The following ZHX2 variants were observed in gnomAD, a reference collection of about 807,000 sequenced individuals.
ZHX2 encodes zinc fingers and homeoboxes 2, also known as zinc fingers and homeoboxes protein 2.
ZHX2 carries 6 observed loss-of-function variants against 21.9 expected under a neutral mutation model. The observed-to-expected ratio is 0.27, with a 90% CI of 0.15 to 0.54. The LOEUF (loss-of-function observed/expected upper bound fraction) is 0.54. Ranked by LOEUF, ZHX2 falls within the 20% of genes least tolerant of loss-of-function variation. The pLI, the probability that ZHX2 is intolerant of heterozygous loss-of-function variation, is 0.95. For missense variants in ZHX2, 908 were observed against 1,090.7 expected (o/e 0.83, Z 2.36); for synonymous variants, 434 against 437.1 (o/e 0.99, Z 0.09).
intron 1 of ZHX2, among the ~76,000 whole-genome samples, chr8:122,819,106 A>C (rs2130630961): frequency 6.6e-6 from 1 of 152,342 alleles, no homozygotes; most frequent in Admixed American, 6.5e-5. Flanking sequence ...GGCCTTCTTG[A>C]AGGCCAGATG....
intron 2 of ZHX2, among the ~76,000 whole-genome samples, chr8:122,884,036 C>T (rs945317065): frequency 2.0e-5 from 3 of 152,220 alleles, no homozygotes; most frequent in African/African-American, 4.8e-5. Context: ...TAGCCAACTA[C>T]ACACCTAGGC....
At chr8:122,851,805 G>A (rs535820320) in intron 1 of ZHX2, among the ~76,000 whole-genome samples, 3 of 152,318 alleles carry the variant, frequency 2.0e-5, no homozygotes, top group East Asian at 3.9e-4. Flanking sequence ...AACTAAGTCA[G>A]TGTTAGCAGC....
At chr8:122,880,210 G>C (rs1819678896) in intron 2 of ZHX2, among the ~76,000 whole-genome samples, 1 of 151,822 alleles carries the variant, frequency 6.6e-6, no homozygotes, top group Admixed American at 6.6e-5. Context: ...GTGACCTCAG[G>C]GGATTCACCC....
At chr8:122,789,040 C>T (rs1444181791) in intron 1 of ZHX2, among the ~76,000 whole-genome samples, 1 of 152,184 alleles carries the variant, frequency 6.6e-6, no homozygotes, top group Non-Finnish European at 1.5e-5. Context: ...AGAAGGAATC[C>T]CCGTGGGCTG....
chr8:122,913,449 G>A (rs1015179817), intron 2 of ZHX2, among the ~76,000 whole-genome samples: 4 of 152,274 alleles, frequency 2.6e-5, no homozygotes, highest in African/African-American at 7.2e-5. Flanking sequence ...TTTCTTCCAA[G>A]GAGCCTGCCA....
intron 2 of ZHX2, among the ~76,000 whole-genome samples, chr8:122,948,316 C>T (rs1330310340): frequency 1.3e-5 from 2 of 152,134 alleles, no homozygotes; most frequent in Non-Finnish European, 2.9e-5. Context: ...TCCTGGAAGT[C>T]GGGGATCTTT....
intron 3 of ZHX2, among the ~76,000 whole-genome samples, chr8:122,956,620 A>G (rs936997693): frequency 6.6e-6 from 1 of 152,214 alleles, no homozygotes; most frequent in Non-Finnish European, 1.5e-5. Flanking sequence ...GTGAGAAACC[A>G]AAAGAGGTTG....
chr8:122,955,782 CACCTTAGAAGA>C (rs1813283117), intron 3 of ZHX2, among the ~76,000 whole-genome samples: 1 of 151,780 alleles, frequency 6.6e-6, no homozygotes, highest in Non-Finnish European at 1.5e-5. Context: ...GCCATTCTCC[CACCTTAGAAGA>C]ACCTACCAGT....
chr8:122,897,172 C>A (rs965493278), intron 2 of ZHX2, among the ~76,000 whole-genome samples: 1 of 152,154 alleles, frequency 6.6e-6, no homozygotes, highest in African/African-American at 2.4e-5. Context: ...TCATGAGAGG[C>A]AAAACAGCAT....
At chr8:122,908,105 C>T (rs894893599) in intron 2 of ZHX2, among the ~76,000 whole-genome samples, 1 of 152,172 alleles carries the variant, frequency 6.6e-6, no homozygotes, top group Admixed American at 6.5e-5. Context: ...AATGACAATC[C>T]TCGCCCCGCC....
intron 1 of ZHX2, among the ~76,000 whole-genome samples, chr8:122,863,167 C>T (rs1458326466): frequency 6.6e-6 from 1 of 152,046 alleles, no homozygotes; most frequent in Non-Finnish European, 1.5e-5. Flanking sequence ...AAAGAGAGGC[C>T]TCCCGCACCC....
intron 3 of ZHX2, among the ~76,000 whole-genome samples, chr8:122,969,545 CA>C (rs1440691768): frequency 6.6e-6 from 1 of 151,962 alleles, no homozygotes; most frequent in East Asian, 1.9e-4. Context: ...AGTTATACGT[CA>C]ATAAAGCTAG....
chr8:122,825,624 G>C (rs1289772367), intron 1 of ZHX2, among the ~76,000 whole-genome samples: 1 of 152,102 alleles, frequency 6.6e-6, no homozygotes, highest in East Asian at 1.9e-4. Flanking sequence ...TCAACCAGGG[G>C]CTCAGAGTCC....
intron 3 of ZHX2, among the ~76,000 whole-genome samples, chr8:122,956,328 G>A (rs1259092266): frequency 6.6e-6 from 1 of 152,208 alleles, no homozygotes; most frequent in Admixed American, 6.5e-5. Flanking sequence ...AGACAACACA[G>A]TACCCATTCA....
intron 2 of ZHX2, among the ~76,000 whole-genome samples, chr8:122,877,130 A>G (rs927454927): frequency 1.3e-5 from 2 of 152,188 alleles, no homozygotes; most frequent in Non-Finnish European, 2.9e-5. Context: ...GTGACCTATT[A>G]GCTGTGTGAC....
chr8:122,927,293 G>A (rs901850037), intron 2 of ZHX2, among the ~76,000 whole-genome samples: 12 of 152,156 alleles, frequency 7.9e-5, no homozygotes, highest in Admixed American at 2.6e-4. Flanking sequence ...TCAGGCATTC[G>A]AGACCAGCCT....
chr8:122,970,872 C>T (rs1813703570), intron 3 of ZHX2, among the ~76,000 whole-genome samples: 1 of 152,174 alleles, frequency 6.6e-6, no homozygotes. Context: ...TGCCCCAGCC[C>T]CCTACCTTTG....
chr8:122,890,933 A>G (rs1586364761), intron 2 of ZHX2, among the ~76,000 whole-genome samples: 1 of 152,032 alleles, frequency 6.6e-6, no homozygotes, highest in Non-Finnish European at 1.5e-5. Context: ...CCTTTCCCAT[A>G]TGCAAATCAT....
chr8:122,820,263 G>A (rs1356548991), intron 1 of ZHX2, among the ~76,000 whole-genome samples: 1 of 152,238 alleles, frequency 6.6e-6, no homozygotes, highest in East Asian at 1.9e-4. Context: ...TGGCCTCCTC[G>A]CAGGCCAGGG....
Sources: allele counts gnomAD v4.1 joint callset (sites outside exome capture counted in the v4.1 genomes callset), GRCh38; gene constraint gnomAD v4.1.1; transcripts MANE v1.5; gene names NCBI Gene and HGNC (gene_info 2026-07-23, HGNC 2026-07-21).